The following RGL1 variants were observed in gnomAD, a reference collection of about 807,000 sequenced individuals.
RGL1 encodes the protein ral guanine nucleotide dissociation stimulator-like 1.
A neutral mutation model predicts 95.2 loss-of-function variants in RGL1; 24 were observed. That is an observed-to-expected ratio of 0.25 (90% CI 0.18 to 0.35). The LOEUF is 0.35. Among genes scored for constraint, RGL1 ranks in the 10% least tolerant of loss-of-function variants. RGL1 has a pLI of 1.00. For missense variants in RGL1, 715 were observed against 936.3 expected (o/e 0.76, Z 3.08); for synonymous variants, 329 against 344.9 (o/e 0.95, Z 0.51).
intron 1 of RGL1, among the ~76,000 whole-genome samples, chr1:183,672,920 T>G (rs962373058): frequency 1.3e-5 from 2 of 152,220 alleles, no homozygotes; most frequent in African/African-American, 4.8e-5. Flanking sequence ...AATTCTGGGG[T>G]ACGTATGCAG....
chr1:183,847,601 C>A lies in RGL1; in HGVS notation c.174C>A (p.Val58=). The A allele has an allele frequency of 1.2e-6, 2 of 1,614,100 alleles. No individual in the cohort carries two copies. Among genetic ancestry groups the A allele is most frequent in the African/African-American group, 1.3e-5 (1 of 75,062 alleles). ...ACCAGCTGCCTCCAGGACACACAGT[C>A]AGTCAATATGAAACCTGTAAGATCA... is the stretch of plus-strand genomic sequence containing the variant. ...EGDQLPPGHT[V]SQYETCKIRT... The change falls in exon 3 of 18, where the codon GTC becomes GTA. Residue 58 remains valine, a synonymous_variant. Coordinates refer to ENST00000360851, the MANE Select transcript of RGL1 (RefSeq NM_001297671.3).
chr1:183,743,236 A>C (rs567496719), intron 2 of RGL1, among the ~76,000 whole-genome samples: 1 of 152,114 alleles, frequency 6.6e-6, no homozygotes, highest in Non-Finnish European at 1.5e-5. Context: ...CTGGTCTTGA[A>C]GTCCTAGCCT....
chr1:183,911,469 A>G (rs780355172), intron 14 of RGL1, among the ~76,000 whole-genome samples: 1 of 151,984 alleles, frequency 6.6e-6, no homozygotes, highest in East Asian at 1.9e-4. Context: ...CCATATCACT[A>G]TTTTGCCAAG....
intron 9 of RGL1, among the ~76,000 whole-genome samples, chr1:183,893,920 C>T (rs753121666): frequency 6.6e-6 from 1 of 152,192 alleles, no homozygotes; most frequent in Non-Finnish European, 1.5e-5. Flanking sequence ...ATTGATGGGT[C>T]TTATCATTCA....
At chr1:183,785,154 T>A (rs979105788) in intron 2 of RGL1, among the ~76,000 whole-genome samples, 1 of 152,168 alleles carries the variant, frequency 6.6e-6, no homozygotes, top group Non-Finnish European at 1.5e-5. Flanking sequence ...AATCTCCCCA[T>A]AATCTCCATT....
chr1:183,817,298 T>TCA (rs1240446904), intron 2 of RGL1, among the ~76,000 whole-genome samples: 5 of 152,218 alleles, frequency 3.3e-5, no homozygotes, highest in African/African-American at 1.2e-4. Context: ...TATGTTTTCT[T>TCA]CTCTCTTTCA....
intron 2 of RGL1, among the ~76,000 whole-genome samples, chr1:183,790,785 C>T (rs571107238): frequency 1.6e-4 from 25 of 152,196 alleles, no homozygotes; most frequent in African/African-American, 5.8e-4. Flanking sequence ...TTTACAATGC[C>T]TTTCTGTTGG....
chr1:183,746,054 A>G (rs1160441487), intron 2 of RGL1, among the ~76,000 whole-genome samples: 2 of 147,752 alleles, frequency 1.4e-5, no homozygotes, highest in Non-Finnish European at 3.0e-5. Flanking sequence ...CTTATTTTTT[A>G]ACATTATAGT....
intron 3 of RGL1, among the ~76,000 whole-genome samples, chr1:183,853,315 C>A (rs182219197): frequency 1.3e-5 from 2 of 151,866 alleles, no homozygotes; most frequent in Admixed American, 1.3e-4. Flanking sequence ...GGTAACAAAG[C>A]GAGACCCTGT....
intron 3 of RGL1, among the ~76,000 whole-genome samples, chr1:183,852,208 A>G (rs1664864034): frequency 6.6e-6 from 1 of 152,038 alleles, no homozygotes; most frequent in Admixed American, 6.6e-5. Context: ...GTTTTCTCAT[A>G]TGGAACTATT....
At chr1:183,811,544 C>T (rs962259825) in intron 2 of RGL1, among the ~76,000 whole-genome samples, 2 of 152,152 alleles carry the variant, frequency 1.3e-5, no homozygotes, top group Admixed American at 6.5e-5. Context: ...TGTAAATGAA[C>T]CAACTGGTAT....
chr1:183,837,568 A>G (rs1663753156), intron 2 of RGL1, among the ~76,000 whole-genome samples: 1 of 132,878 alleles, frequency 7.5e-6, no homozygotes, highest in South Asian at 2.5e-4. Flanking sequence ...TGCAACTCTT[A>G]AATCCTTGAA....
At chr1:183,802,577 GTCTT>G (rs1468253675), upstream of RGL1, among the ~76,000 whole-genome samples, 2 of 113,754 alleles carry the variant, frequency 1.8e-5, no homozygotes, top group African/African-American at 3.3e-5. Context: ...AACACGGGAT[GTCTT>G]TCTATTTAGG....
chr1:183,755,764 A>G (rs1243648557), intron 2 of RGL1, among the ~76,000 whole-genome samples: 4 of 152,206 alleles, frequency 2.6e-5, no homozygotes, highest in Non-Finnish European at 5.9e-5. Context: ...GTGTGCTGTA[A>G]TAAGTGTCCA....
intron 2 of RGL1, among the ~76,000 whole-genome samples, chr1:183,763,958 C>T (rs1658834952): frequency 6.6e-6 from 1 of 152,186 alleles, no homozygotes; most frequent in South Asian, 2.1e-4. Flanking sequence ...TTTTAAGTGC[C>T]TGCAGAATTT....
intron 9 of RGL1, among the ~76,000 whole-genome samples, chr1:183,897,505 C>T (rs889851409): frequency 6.6e-5 from 10 of 151,846 alleles, no homozygotes; most frequent in South Asian, 2.1e-4. Flanking sequence ...GCTGAGATTG[C>T]GCCACTGCAC....
At chr1:183,661,092 A>T (rs1651585758) in intron 1 of RGL1, among the ~76,000 whole-genome samples, 1 of 152,214 alleles carries the variant, frequency 6.6e-6, no homozygotes, top group Admixed American at 6.5e-5. Context: ...CTAAATGCCC[A>T]CAAGAGAAAG....
chr1:183,758,955 G>T (rs976242371), intron 2 of RGL1, among the ~76,000 whole-genome samples: 6 of 152,260 alleles, frequency 3.9e-5, no homozygotes, highest in African/African-American at 1.4e-4. Flanking sequence ...GCTATTAATT[G>T]GGGTCTAATT....
chr1:183,776,306 G>T (rs967196260), intron 2 of RGL1, among the ~76,000 whole-genome samples: 5 of 151,278 alleles, frequency 3.3e-5, no homozygotes, highest in Non-Finnish European at 7.4e-5. Context: ...CCGCTACCAC[G>T]CCCGGCTAAT....
Sources: allele counts gnomAD v4.1 joint callset (sites outside exome capture counted in the v4.1 genomes callset), GRCh38; gene constraint gnomAD v4.1.1; transcripts MANE v1.5; gene names NCBI Gene and HGNC (gene_info 2026-07-23, HGNC 2026-07-21).